Variants in FAAH2 observed in about 807,000 individuals in gnomAD.
FAAH2 encodes the protein fatty acid amide hydrolase 2.
Under a neutral mutation model 36.9 loss-of-function variants are expected in FAAH2, and 60 were observed. That is an observed-to-expected ratio of 1.63 (90% CI 1.32 to 2.02). The LOEUF is 2.02. FAAH2 is among the 30% of genes most tolerant of loss of function. FAAH2 has a pLI of 0.00. For missense variants in FAAH2, 689 were observed against 397.5 expected (o/e 1.73, Z -6.23); for synonymous variants, 214 against 143.8 (o/e 1.49, Z -3.49).
chrX:57,241,448 A>T, the FAAH2 span, among the ~76,000 whole-genome samples: 1 of 46,958 alleles, frequency 2.1e-5, no homozygotes, highest in African/African-American at 8.1e-4. Flanking sequence ...AAACTACAAG[A>T]AAAAAAAACA....
chrX:57,479,028 G>A (rs746817062), intron 10 of FAAH2, among the ~76,000 whole-genome samples: 2 of 111,617 alleles, frequency 1.8e-5, no homozygotes, highest in East Asian at 5.6e-4. Flanking sequence ...TGTGAAGAAA[G>A]ACATTGGTAG....
chrX:57,149,868 A>T, the FAAH2 span, among the ~76,000 whole-genome samples: 1 of 111,061 alleles, frequency 9.0e-6, no homozygotes. Flanking sequence ...TCAATTTTGG[A>T]TCCTTCCTCC....
the FAAH2 span, among the ~76,000 whole-genome samples, chrX:57,219,863 C>CTTTTTTTTTTTTTTT: frequency 5.6e-5 from 2 of 35,640 alleles, no homozygotes; most frequent in African/African-American, 1.1e-4. Context: ...AGCGCCTTGT[C>CTTTTTTTTTTTTTTT]TTTTTTTTTT....
the FAAH2 span, among the ~76,000 whole-genome samples, chrX:57,254,049 T>A: frequency 1.8e-5 from 2 of 109,931 alleles, no homozygotes; most frequent in Non-Finnish European, 3.8e-5. Context: ...TCACCTCACG[T>A]GCAAAGACAC....
At chrX:57,299,872 T>C (rs2052287489) in intron 2 of FAAH2, among the ~76,000 whole-genome samples, 2 of 111,241 alleles carry the variant, frequency 1.8e-5, no homozygotes, top group South Asian at 7.7e-4. Flanking sequence ...TCAAAGAGAA[T>C]AAAATACCTA....
the FAAH2 span, among the ~76,000 whole-genome samples, chrX:57,174,818 C>T: frequency 5.4e-5 from 6 of 111,525 alleles, no homozygotes; most frequent in African/African-American, 2.0e-4. Flanking sequence ...AAATTTCCAT[C>T]TTGATTTCAT....
chrX:57,158,790 A>T, the FAAH2 span, among the ~76,000 whole-genome samples: 1 of 111,913 alleles, frequency 8.9e-6, no homozygotes, highest in Non-Finnish European at 1.9e-5. Flanking sequence ...CCCATTCTGC[A>T]GGTTGCCTAT....
chrX:57,420,885 G>A (rs961424895), intron 7 of FAAH2, among the ~76,000 whole-genome samples: 2 of 111,639 alleles, frequency 1.8e-5, no homozygotes, highest in Non-Finnish European at 1.9e-5. Flanking sequence ...ATTATTTTGA[G>A]ATACGTCCCA....
chrX:57,467,216 C>T (rs1198714288), intron 10 of FAAH2, among the ~76,000 whole-genome samples: 1 of 111,339 alleles, frequency 9.0e-6, no homozygotes, highest in African/African-American at 3.3e-5. Context: ...AACTGAGGTA[C>T]CAGATGCATC....
At chrX:57,382,728 G>A (rs903617252) in intron 7 of FAAH2, among the ~76,000 whole-genome samples, 3 of 111,345 alleles carry the variant, frequency 2.7e-5, no homozygotes, top group Non-Finnish European at 3.8e-5. Context: ...CAGATTCACA[G>A]CCAAATTCTA....
chrX:57,429,296 G>A (rs1029190639), intron 7 of FAAH2, among the ~76,000 whole-genome samples: 4 of 100,600 alleles, frequency 4.0e-5, no homozygotes, highest in African/African-American at 1.5e-4. Flanking sequence ...CCCAGATGAC[G>A]CCACTACACT....
At chrX:57,301,945 C>T (rs1290700663) in intron 2 of FAAH2, among the ~76,000 whole-genome samples, 1 of 112,225 alleles carries the variant, frequency 8.9e-6, no homozygotes, top group Non-Finnish European at 1.9e-5. Flanking sequence ...GTCTTATGCT[C>T]TGCAATCTGT....
the FAAH2 span, among the ~76,000 whole-genome samples, chrX:57,200,616 A>T: frequency 1.8e-5 from 2 of 111,293 alleles, no homozygotes; most frequent in Admixed American, 9.5e-5. Context: ...TGACCTCATG[A>T]TCCACCCACC....
At chrX:57,393,632 A>G in intron 7 of FAAH2, 1 of 932,424 alleles carries the variant, frequency 1.1e-6, no homozygotes, top group Non-Finnish European at 1.6e-6. Context: ...ACTCACCCCC[A>G]GATCTTCAGC....
chrX:57,349,271 A>C (rs1460480023), intron 5 of FAAH2, among the ~76,000 whole-genome samples: 1 of 94,882 alleles, frequency 1.1e-5, no homozygotes, highest in Non-Finnish European at 2.1e-5. Context: ...ATGTATATAC[A>C]TATATACATA....
At chrX:57,426,689 T>C (rs765970667) in intron 7 of FAAH2, among the ~76,000 whole-genome samples, 2 of 111,959 alleles carry the variant, frequency 1.8e-5, no homozygotes, top group East Asian at 5.6e-4. Context: ...AATTAAATAA[T>C]ATTTGAAACA....
intron 7 of FAAH2, among the ~76,000 whole-genome samples, chrX:57,384,091 C>T (rs993768784): frequency 4.1e-4 from 45 of 110,695 alleles, no homozygotes; most frequent in African/African-American, 1.3e-3. Context: ...CCCTATTTAA[C>T]AAATGGTGCT....
intron 2 of FAAH2, among the ~76,000 whole-genome samples, chrX:57,307,516 T>C (rs2052575887): frequency 1.8e-5 from 2 of 111,513 alleles, no homozygotes; most frequent in African/African-American, 6.5e-5. Context: ...TCACATATTC[T>C]AGCAGCTGTA....
chrX:57,159,991 TA>T, the FAAH2 span, among the ~76,000 whole-genome samples: 1 of 111,996 alleles, frequency 8.9e-6, no homozygotes, highest in Non-Finnish European at 1.9e-5. Flanking sequence ...AGATAGCTCT[TA>T]TTATTTTGAG....
Sources: gnomAD v4.1 joint callset for allele counts (sites outside exome capture counted in the v4.1 genomes callset) on GRCh38, gnomAD v4.1.1 for gene constraint, MANE v1.5 for transcripts, NCBI Gene and HGNC (gene_info 2026-07-23, HGNC 2026-07-21) for gene names.